PCM1: variants seen among roughly 807,000 people sequenced by gnomAD.
The protein encoded by PCM1 is pericentriolar material 1.
In PCM1, 157 loss-of-function variants were observed where a neutral mutation model predicts 241.9. The ratio of observed to expected loss-of-function variants is 0.65; its 90% CI spans 0.57 to 0.74. The LOEUF is 0.74. Among genes scored for constraint, PCM1 ranks in the 30% least tolerant of loss-of-function variants. PCM1 has a pLI of 0.00. For missense variants in PCM1, 3,478 were observed against 2,360.1 expected (o/e 1.47, Z -9.81); for synonymous variants, 1,085 against 784.9 (o/e 1.38, Z -6.39).
intron 29 of PCM1, among the ~76,000 whole-genome samples, chr8:18,004,276 T>C (rs999713905): frequency 2.6e-5 from 4 of 151,480 alleles, no homozygotes; most frequent in Non-Finnish European, 5.9e-5. Context: ...AAGAATTACA[T>C]TTTTTAAAGT....
At chr8:17,938,651 C>T (rs1369696402) in intron 4 of PCM1, 89 bp from the exon 5 acceptor site, 4 of 870,630 alleles carry the variant, frequency 4.6e-6, no homozygotes, top group Non-Finnish European at 7.4e-6. Flanking sequence ...GAATCAATAT[C>T]TGATGGCGAA....
At chr8:17,929,589 C>T (rs746587412) in intron 2 of PCM1, among the ~76,000 whole-genome samples, 30 of 152,226 alleles carry the variant, frequency 2.0e-4, no homozygotes, top group Non-Finnish European at 3.5e-4. Flanking sequence ...ATCAGTTTAA[C>T]TGTGTGTCAC....
intron 4 of PCM1, among the ~76,000 whole-genome samples, chr8:17,937,629 T>C (rs912466688): frequency 4.5e-4 from 69 of 152,176 alleles, no homozygotes; most frequent in Non-Finnish European, 1.9e-4. Flanking sequence ...CTAACTCAAG[T>C]GATTTTACTA....
At chr8:18,002,927 C>T (rs547115390) in intron 29 of PCM1, among the ~76,000 whole-genome samples, 1 of 152,158 alleles carries the variant, frequency 6.6e-6, no homozygotes, top group East Asian at 1.9e-4. Context: ...TTTCAACTCT[C>T]CTACTAGAGT....
chr8:17,940,266 A>G, intron 6 of PCM1: 1 of 609,072 alleles, frequency 1.6e-6, no homozygotes, highest in Non-Finnish European at 2.9e-6. Context: ...AGTGTATTCC[A>G]GGGAAGAACC....
intron 36 of PCM1, among the ~76,000 whole-genome samples, chr8:18,022,252 C>T (rs1242998584): frequency 6.6e-6 from 1 of 152,158 alleles, no homozygotes; most frequent in South Asian, 2.1e-4. Context: ...AAGTAAACAA[C>T]TTACCACCAC....
intron 29 of PCM1, among the ~76,000 whole-genome samples, chr8:18,003,344 T>C (rs1032486986): frequency 1.8e-4 from 27 of 152,324 alleles, no homozygotes; most frequent in African/African-American, 6.5e-4. Flanking sequence ...ACCAGGTTCA[T>C]TGTCACTCAT....
intron 34 of PCM1, 40 bp from the exon 35 acceptor site, chr8:18,013,924 A>G (rs2092826486): frequency 8.2e-7 from 1 of 1,221,628 alleles, no homozygotes; most frequent in African/African-American, 1.5e-5. Flanking sequence ...TAGTGACCAT[A>G]TATTTCAGGC....
chr8:17,923,745 C>T (rs1268273184), intron 1 of PCM1, among the ~76,000 whole-genome samples: 1 of 151,884 alleles, frequency 6.6e-6, no homozygotes, highest in African/African-American at 2.4e-5. Context: ...CTGTGGGAGC[C>T]GATGGGCCGG....
chr8:18,009,431 T>C lies in PCM1; in HGVS notation c.4963-116T>C, dbSNP rs1234372862. 6.0e-6 allele frequency: 4 copies of C among 671,620 alleles called. No individual in the cohort carries two copies. In the African/African-American group the frequency reaches 7.2e-5, roughly 12 times the overall value. The allele number at this position is 671,620 out of a possible 1,614,324, so 41.6% of individuals were successfully genotyped here. On this transcript the variant is annotated intron_variant, in intron 30 of 38. Coordinates refer to ENST00000325083, the MANE Select transcript of PCM1 (RefSeq NM_006197.4). ...GTATTCTTTAGTAATACTAACAACC[T>C]ATCTTTCCTTAGTAATCATAAACAT... is the stretch of plus-strand genomic sequence containing the variant.
intron 30 of PCM1, 29 bp downstream of exon 30, chr8:18,006,426 A>G (rs767943186): frequency 3.3e-6 from 5 of 1,536,364 alleles, no homozygotes; most frequent in Non-Finnish European, 4.5e-6. Context: ...ATGATTTACC[A>G]ATATGTACTG....
At chr8:18,025,307 T>G in intron 36 of PCM1, 54 bp from the exon 37 acceptor site, 1 of 927,720 alleles carries the variant, frequency 1.1e-6, no homozygotes, top group Admixed American at 2.1e-5. Context: ...TTTCTTTACA[T>G]GGATGACTGG....
In PCM1 at chr8:18,011,719, T is replaced by C. The variant is rs1461615936; in HGVS notation, c.5403T>C (p.Asp1801=). 6.2e-7 allele frequency: 1 copy of C among 1,613,216 alleles called. No homozygotes were observed. Among genetic ancestry groups the C allele is most frequent in the East Asian group, 2.2e-5 (1 of 44,862 alleles). Residue 1801 remains aspartate (D), a synonymous_variant, in exon 34 of 39, where the codon GAT becomes GAC. Coordinates refer to ENST00000325083, the MANE Select transcript of PCM1 (RefSeq NM_006197.4). ...TAACTAATTATGGAAGTGGAGAAGA[T>C]GAAAATGAGGATGAAGAAATGGAAG... The part of the protein sequence containing the change: ...QALTNYGSGE[D]ENEDEEMEEF...
chr8:17,983,356 A>G, intron 24 of PCM1: 1 of 897,992 alleles, frequency 1.1e-6, no homozygotes, highest in Non-Finnish European at 1.6e-6. Flanking sequence ...TAAAGGTTTT[A>G]TTGTCCTGAT....
intron 38 of PCM1, among the ~76,000 whole-genome samples, chr8:18,026,704 C>A (rs2094246975): frequency 6.6e-6 from 1 of 152,044 alleles, no homozygotes; most frequent in Non-Finnish European, 1.5e-5. Context: ...CTCTCCTCCT[C>A]CTCTCAGTGT....
chr8:17,959,338 C>T (rs1399927078), intron 13 of PCM1, among the ~76,000 whole-genome samples: 1 of 7,416 alleles, frequency 1.3e-4, no homozygotes, highest in Non-Finnish European at 2.1e-4. Context: ...TATATACACA[C>T]AGTACATAGT....
At chr8:18,022,335 A>T (rs2093821440) in intron 36 of PCM1, among the ~76,000 whole-genome samples, 1 of 152,218 alleles carries the variant, frequency 6.6e-6, no homozygotes. Flanking sequence ...AAATGTTCAA[A>T]CTTTTGTTGG....
intron 2 of PCM1, among the ~76,000 whole-genome samples, chr8:17,935,345 G>T (rs139701300): frequency 6.6e-6 from 1 of 152,288 alleles, no homozygotes; most frequent in African/African-American, 2.4e-5. Flanking sequence ...ATGCAGACTG[G>T]TGCTCACAAG....
intron 29 of PCM1, among the ~76,000 whole-genome samples, chr8:18,002,072 TTTTTTC>T (rs2089788591): frequency 2.9e-5 from 2 of 69,080 alleles, no homozygotes; most frequent in Non-Finnish European, 2.4e-5. Flanking sequence ...TTCTTTTTTT[TTTTTTC>T]TTTTTTTTAT....
Sources: gnomAD v4.1 joint callset for allele counts (sites outside exome capture counted in the v4.1 genomes callset) on GRCh38, gnomAD v4.1.1 for gene constraint, MANE v1.5 for transcripts, NCBI Gene and HGNC (gene_info 2026-07-23, HGNC 2026-07-21) for gene names.